PFKFB3: variants seen among roughly 807,000 people sequenced by gnomAD.
PFKFB3 encodes the protein 6-phosphofructo-2-kinase/fructose-2,6-bisphosphatase 3.
A neutral mutation model predicts 68.0 loss-of-function variants in PFKFB3; 33 were observed. That is an observed-to-expected ratio of 0.49 (90% CI 0.37 to 0.65). The LOEUF is 0.65. Among genes scored for constraint, PFKFB3 ranks in the 30% least tolerant of loss-of-function variants. PFKFB3 has a pLI of 0.00. For missense variants in PFKFB3, 586 were observed against 712.2 expected (o/e 0.82, Z 2.02); for synonymous variants, 315 against 288.2 (o/e 1.09, Z -0.94).
chr10:6,151,013 C>A (rs1268492432), intron 1 of PFKFB3, among the ~76,000 whole-genome samples: 8 of 151,876 alleles, frequency 5.3e-5, no homozygotes, highest in Admixed American at 3.9e-4. Context: ...ACAACAACAA[C>A]AAAAAGCAAA....
At chr10:6,182,027 C>A (rs117923998) in intron 1 of PFKFB3, among the ~76,000 whole-genome samples, 1 of 151,892 alleles carries the variant, frequency 6.6e-6, no homozygotes, top group South Asian at 2.1e-4. Flanking sequence ...TGCTTACTGC[C>A]CTGAACTGTG....
intron 1 of PFKFB3, among the ~76,000 whole-genome samples, chr10:6,190,223 C>T (rs1842985668): frequency 6.6e-6 from 1 of 152,206 alleles, no homozygotes; most frequent in Non-Finnish European, 1.5e-5. Context: ...AGATTACAGG[C>T]GTGAGCCACC....
At chr10:6,179,526 G>GC (rs137907418) in intron 1 of PFKFB3, among the ~76,000 whole-genome samples, 1 of 152,288 alleles carries the variant, frequency 6.6e-6, no homozygotes, top group South Asian at 2.1e-4. Context: ...TCCCTAGCGA[G>GC]CCCCCCGGGA....
intron 1 of PFKFB3, chr10:6,146,326 C>T (rs764773110): frequency 1.2e-4 from 178 of 1,527,950 alleles, no homozygotes; most frequent in Admixed American, 7.1e-4. Context: ...AGCGTGGGCT[C>T]CTGGCGGTGA....
At chr10:6,297,146 C>T in the PFKFB3 span, among the ~76,000 whole-genome samples, 1 of 152,232 alleles carries the variant, frequency 6.6e-6, no homozygotes, top group Non-Finnish European at 1.5e-5. Context: ...GTGCCTGTGA[C>T]ATTCCTTTGT....
At chr10:6,293,846 G>A in the PFKFB3 span, 2 of 396,178 alleles carry the variant, frequency 5.0e-6, no homozygotes, top group Non-Finnish European at 1.0e-5. Flanking sequence ...CCAAATCTCA[G>A]ACCAACCAAT....
chr10:6,195,360 T>C (rs1843149613), intron 1 of PFKFB3, among the ~76,000 whole-genome samples: 1 of 152,180 alleles, frequency 6.6e-6, no homozygotes, highest in African/African-American at 2.4e-5. Flanking sequence ...AGAGTTTTCT[T>C]CATCTTGTTG....
chr10:6,308,151 CATT>C, the PFKFB3 span, among the ~76,000 whole-genome samples: 1 of 152,186 alleles, frequency 6.6e-6, no homozygotes, highest in Non-Finnish European at 1.5e-5. Context: ...GAGAAAGCAT[CATT>C]GTTTGATTTG....
At chr10:6,322,049 C>T in the PFKFB3 span, among the ~76,000 whole-genome samples, 5 of 152,218 alleles carry the variant, frequency 3.3e-5, no homozygotes, top group Non-Finnish European at 7.3e-5. Context: ...CCAGCGCTTT[C>T]CCCTGGGTGT....
the PFKFB3 span, among the ~76,000 whole-genome samples, chr10:6,292,439 C>A: frequency 2.7e-5 from 4 of 150,532 alleles, no homozygotes; most frequent in African/African-American, 9.9e-5. Flanking sequence ...CGCCCACCAC[C>A]ACACCCAGCT....
downstream of PFKFB3, among the ~76,000 whole-genome samples, chr10:6,237,033 GCCT>G (rs941849079): frequency 6.6e-6 from 1 of 152,194 alleles, no homozygotes; most frequent in African/African-American, 2.4e-5. Flanking sequence ...GGCCACACTG[GCCT>G]CCTGCAGGTC....
intron 1 of PFKFB3, among the ~76,000 whole-genome samples, chr10:6,194,061 A>T (rs1843102506): frequency 1.3e-5 from 2 of 152,204 alleles, no homozygotes; most frequent in South Asian, 4.1e-4. Flanking sequence ...AACAATGGGA[A>T]CCATTGGTGT....
intron 14 of PFKFB3, among the ~76,000 whole-genome samples, chr10:6,246,021 CT>C (rs1846250673): frequency 6.6e-6 from 1 of 152,188 alleles, no homozygotes; most frequent in Admixed American, 6.5e-5. Context: ...CCTCTTCCTT[CT>C]TCTCGAAGAC....
chr10:6,191,009 G>A (rs1843008572), intron 1 of PFKFB3, among the ~76,000 whole-genome samples: 2 of 152,202 alleles, frequency 1.3e-5, no homozygotes, highest in Non-Finnish European at 1.5e-5. Flanking sequence ...GAACTCCTGG[G>A]CTTAAGCGAT....
the PFKFB3 span, among the ~76,000 whole-genome samples, chr10:6,262,261 T>C: frequency 6.4e-3 from 974 of 151,744 alleles, 5 homozygotes; most frequent in Non-Finnish European, 9.3e-3. Flanking sequence ...GAGACCATCC[T>C]GGCTAACATG....
At chr10:6,227,472 A>T (rs1845434361) in intron 14 of PFKFB3, among the ~76,000 whole-genome samples, 1 of 152,100 alleles carries the variant, frequency 6.6e-6, no homozygotes, top group Non-Finnish European at 1.5e-5. Context: ...CTGGAATGTG[A>T]CCTGGGAGAT....
the PFKFB3 span, among the ~76,000 whole-genome samples, chr10:6,319,161 T>C: frequency 6.6e-6 from 1 of 152,220 alleles, no homozygotes; most frequent in Non-Finnish European, 1.5e-5. Flanking sequence ...TGCTATGCAG[T>C]ATCCACCCAA....
rs1564599659 is a variant in PFKFB3, at chr10:6,177,402, TTCTTTCTTCTTTCTCTTTC to T, written c.16+32391_16+32409del. 3.8e-4 allele frequency among the ~76,000 whole-genome samples: 55 copies of T among 142,874 alleles called. No homozygotes were observed. In the East Asian group the frequency reaches 9.9e-3, roughly 26 times the overall value. 93.7% of individuals were successfully genotyped at this position (142,874 alleles called of 152,430 possible). Reference sequence around the variant, plus strand: ...TTTCTTTCTTTCTTTCTTTCTTTCTTTCTTTCTTCTTTCTCTTTCTTCCTTTCTTTTCTTTCTCTTTCTT... The same window carrying T: ...TTTCTTTCTTTCTTTCTTTCTTTCTTTTCCTTTCTTTTCTTTCTCTTTCTT... On this transcript the variant is annotated intron_variant, in intron 1 of 14. Coordinates refer to the PFKFB3 transcript ENST00000379789.
downstream of PFKFB3, among the ~76,000 whole-genome samples, chr10:6,239,233 T>G (rs1220579708): frequency 3.9e-5 from 6 of 152,184 alleles, no homozygotes; most frequent in Non-Finnish European, 8.8e-5. Context: ...TGAGCATGCA[T>G]GCCCGGCGTT....
Sources: allele counts gnomAD v4.1 joint callset (sites outside exome capture counted in the v4.1 genomes callset), GRCh38; gene constraint gnomAD v4.1.1; transcripts MANE v1.5; gene names NCBI Gene and HGNC (gene_info 2026-07-23, HGNC 2026-07-21).